CDR2L: variants seen among roughly 807,000 people sequenced by gnomAD.
The protein encoded by CDR2L is cerebellar degeneration related protein 2 like.
In CDR2L, 19 loss-of-function variants were observed where a neutral mutation model predicts 36.1. The observed-to-expected ratio is 0.53, with a 90% CI of 0.37 to 0.77. The LOEUF is 0.77. Among genes scored for constraint, CDR2L ranks in the 30% least tolerant of loss-of-function variants. The pLI is 0.00. For missense variants in CDR2L, 575 were observed against 627.2 expected (o/e 0.92, Z 0.89); for synonymous variants, 285 against 280.4 (o/e 1.02, Z -0.16).
In CDR2L at chr17:75,001,388, C is replaced by A; in HGVS notation, c.240C>A (p.His80Gln). 1.2e-6 allele frequency: 2 copies of A among 1,611,924 alleles called. No homozygotes were observed. The highest frequency in any genetic ancestry group is 1.7e-6 in the Non-Finnish European group (2 of 1,179,230). The change falls in exon 3 of 5, where the codon CAC becomes CAA. Residue 80 changes from histidine (H) to glutamine (Q), a missense_variant. His to Gln is a conservative substitution (Grantham distance 24, BLOSUM62 0). Transcript: ENST00000337231. Reference sequence around the variant, plus strand: ...CGCTGCGGCACGTGAACGAGCAGCACGCCAAAGTCTATGAGCAGCTGGACC... The same window carrying A: ...CGCTGCGGCACGTGAACGAGCAGCAAGCCAAAGTCTATGAGCAGCTGGACC... ...LDTLRHVNEQ[H>Q]AKVYEQLDLT...
In CDR2L at chr17:75,004,096, C is replaced by T. The variant is rs1414756539; in HGVS notation, c.*22C>T. On this transcript the variant is annotated 3_prime_UTR_variant, in exon 5 of 5. Transcript: ENST00000337231. ...GTGACCCTTCTCCGGCCTGCAGCCT[C>T]CCCCAGGGTGGAAGCCGTGGGGTCC... 2.5e-6 allele frequency: 4 copies of T among 1,577,894 alleles called. No individual in the cohort carries two copies. Among genetic ancestry groups the T allele is most frequent in the Non-Finnish European group, 2.6e-6 (3 of 1,160,964 alleles).
chr17:75,000,950 AGAGGCT>A lies in CDR2L; in HGVS notation c.193-389_193-384del, dbSNP rs1419041524. Among the ~76,000 whole-genome samples the A allele has an allele frequency of 3.3e-5, 5 of 151,794 alleles. No individual in the cohort carries two copies. The East Asian group carries it at 7.8e-4, about 24-fold the overall frequency. ...ATAAATTAATTAATTTAAAAAAAAA[AGAGGCT>A]GGCGTGGTGGTGCATGCCTATAATC... On this transcript the variant is annotated intron_variant, in intron 2 of 4. Transcript: ENST00000337231.
Position 75,005,570 on chromosome 17 carries a change from A to G in CDR2L, c.*1496A>G, listed in dbSNP as rs1246356367. The stretch of plus-strand genomic sequence containing the variant: ...GCGACTGAGTCCTTCTGTACGTGCA[A>G]CTGGGAAACTTTTGTCCTTTGAGGC... On this transcript the variant is annotated 3_prime_UTR_variant, in exon 5 of 5. Transcript: ENST00000337231. This position sits in a 1 kb window ranked among gnomAD's most constrained non-coding sequence, Gnocchi z 4.2. The G allele has an allele frequency of 6.6e-6, 1 of 152,670 alleles. No individual in the cohort carries two copies. Among genetic ancestry groups the G allele is most frequent in the Non-Finnish European group, 1.5e-5 (1 of 68,100 alleles). The allele number at this position is 152,670 out of a possible 1,614,324, so 9.5% of individuals were successfully genotyped here.
At position 75,003,344 on chromosome 17, in the gene CDR2L, T is replaced by A. The variant is rs1029902024; in HGVS notation, c.668T>A (p.Val223Glu). The stretch of plus-strand genomic sequence containing the variant: ...CGGGCGGAGCGCGAGTACACCGCGG[T>A]GCTGCAGGAGTACTCGGAGCTGGAG... Reference protein sequence around the residue: ...KERAEREYTAVLQEYSELERQ... With the variant: ...KERAEREYTAELQEYSELERQ... The change falls in exon 5 of 5, where the codon GTG becomes GAG. Residue 223 changes from valine (V) to glutamate (E), a missense_variant. By Grantham distance (121) the Val-to-Glu change is moderately radical (BLOSUM62 -2). Coordinates refer to ENST00000337231, the MANE Select transcript of CDR2L (RefSeq NM_014603.3). 6.4e-7 allele frequency: 1 copy of A among 1,556,826 alleles called. No individual in the cohort carries two copies. Among genetic ancestry groups the A allele is most frequent in the Non-Finnish European group, 8.7e-7 (1 of 1,151,098 alleles).
intron 1 of CDR2L, among the ~76,000 whole-genome samples, chr17:74,990,560 G>A (rs1010804899): frequency 2.6e-5 from 4 of 152,222 alleles, no homozygotes; most frequent in Non-Finnish European, 4.4e-5. Context: ...GACTTAGAAA[G>A]GTTTATGCCA....
chr17:74,991,724 GAAAA>G (rs1369367220), intron 1 of CDR2L, among the ~76,000 whole-genome samples: 2 of 17,870 alleles, frequency 1.1e-4, no homozygotes, highest in Non-Finnish European at 1.2e-3. Context: ...CTCAAAAAAA[GAAAA>G]AAAGAAAGAA....
chr17:74,996,252 T>C (rs191055762), intron 1 of CDR2L, among the ~76,000 whole-genome samples: 1 of 152,122 alleles, frequency 6.6e-6, no homozygotes, highest in African/African-American at 2.4e-5. Context: ...GAGACCAGCC[T>C]GACCAACATG....
At position 74,987,922 on chromosome 17, in the gene CDR2L, C is replaced by T; in HGVS notation, c.-122C>T. On this transcript the variant is annotated 5_prime_UTR_variant, in exon 1 of 5. Transcript: ENST00000337231. ...CGGTTGATGGCGAGGGGGCGCGGCG[C>T]GGGCTCTGTAGCCCGAGTTCCCGAC... is the stretch of plus-strand genomic sequence containing the variant. 1 of 405,004 alleles carries T rather than the reference C, an allele frequency of 2.5e-6. No individual in the cohort carries two copies. The highest frequency in any genetic ancestry group is 4.2e-6 in the Non-Finnish European group (1 of 238,460). The allele number at this position is 405,004 out of a possible 1,614,324, so 25.1% of individuals were successfully genotyped here. A position where few individuals can be genotyped will look rare whatever the true frequency, so the allele number is the denominator to read the frequency against.
At position 75,003,357 on chromosome 17, in the gene CDR2L, C is replaced by G. The variant is rs1281939102; in HGVS notation, c.681C>G (p.Tyr227Ter). 6.4e-7 allele frequency: 1 copy of G among 1,557,990 alleles called. No individual in the cohort carries two copies. Among genetic ancestry groups the G allele is most frequent in the Non-Finnish European group, 8.7e-7 (1 of 1,151,800 alleles). Residue 227 changes from tyrosine (Y) to a stop codon, truncating the protein, a stop_gained, in exon 5 of 5, where the codon TAC becomes TAG. Coordinates refer to ENST00000337231, the MANE Select transcript of CDR2L (RefSeq NM_014603.3). LOFTEE classifies it high-confidence loss of function. ...EREYTAVLQE[Y>*]SELERQLCEM... ...AGTACACCGCGGTGCTGCAGGAGTA[C>G]TCGGAGCTGGAGCGCCAGCTGTGCG...
In CDR2L at chr17:75,005,395, C is replaced by CG. The variant is rs60342420; in HGVS notation, c.*1328dup. The CG allele has an allele frequency of 7.2e-5, 11 of 152,688 alleles. No individual in the cohort carries two copies. Among genetic ancestry groups the CG allele is most frequent in the African/African-American group, 1.9e-4 (8 of 41,430 alleles). 9.5% of individuals were successfully genotyped at this position (152,688 alleles called of 1,614,324 possible). A position where few individuals can be genotyped will look rare whatever the true frequency, so the allele number is the denominator to read the frequency against. ...GAAGAGCCATACAGTCAGTGGAAGG[C>CG]GGGGGGGCCCTGGCCTCTGCACCGG... is the stretch of plus-strand genomic sequence containing the variant. On this transcript the variant is annotated 3_prime_UTR_variant, in exon 5 of 5. Coordinates refer to ENST00000337231, the MANE Select transcript of CDR2L (RefSeq NM_014603.3). This position sits in a 1 kb window ranked among gnomAD's most constrained non-coding sequence, Gnocchi z 4.2.
intron 2 of CDR2L, among the ~76,000 whole-genome samples, chr17:75,000,500 G>A (rs201673043): frequency 6.7e-6 from 1 of 148,746 alleles, no homozygotes; most frequent in African/African-American, 2.5e-5. Flanking sequence ...AGGTTTCACT[G>A]TGTTAGCCAG....
rs781755664 is a variant in CDR2L, at chr17:75,003,754, T to C, written c.1078T>C (p.Tyr360His). 2 of 1,497,156 alleles carry C rather than the reference T, an allele frequency of 1.3e-6. No homozygotes were observed. Among genetic ancestry groups the C allele is most frequent in the African/African-American group, 1.4e-5 (1 of 71,690 alleles). 92.7% of individuals were successfully genotyped at this position (1,497,156 alleles called of 1,614,324 possible). The change falls in exon 5 of 5, where the codon TAC becomes CAC. Residue 360 changes from tyrosine (Y) to histidine (H), a missense_variant. Tyr to His is a moderately conservative substitution (Grantham distance 83, BLOSUM62 2). Transcript: ENST00000337231. The part of the protein sequence containing the change: ...MSILREVDEQ[Y>H]HALLEKYEEL... ...CATCCTGCGGGAGGTGGACGAGCAG[T>C]ACCACGCGCTGCTGGAGAAGTACGA...
chr17:75,001,423 G>T lies in CDR2L; in HGVS notation c.275G>T (p.Arg92Leu). The change falls in exon 3 of 5, where the codon CGG (arginine) becomes CTG (leucine). Residue 92 changes from arginine to leucine, a missense_variant. Transcript: ENST00000337231. The stretch of plus-strand genomic sequence containing the variant: ...TATGAGCAGCTGGACCTGACAGCCC[G>T]GGACCTGGAGCTGACCAACCACAGG... ...KVYEQLDLTA[R>L]DLELTNHRLV... 1 of 1,607,934 alleles carries T rather than the reference G, an allele frequency of 6.2e-7. No individual in the cohort carries two copies.
chr17:74,991,297 G>C (rs1386910588), intron 1 of CDR2L, among the ~76,000 whole-genome samples: 1 of 151,844 alleles, frequency 6.6e-6, no homozygotes. Flanking sequence ...AGCTACTCAG[G>C]AGGCTGAGCC....
intron 3 of CDR2L, 84 bp from the exon 4 acceptor site, chr17:75,001,980 C>G: frequency 3.2e-6 from 4 of 1,237,598 alleles, no homozygotes; most frequent in South Asian, 1.7e-5. Context: ...CAACGTCCCT[C>G]CATCTTCAGG....
chr17:74,999,325 C>CAAA (rs1555635972), intron 1 of CDR2L, among the ~76,000 whole-genome samples, 179 bp from the exon 2 acceptor site: 1 of 150,976 alleles, frequency 6.6e-6, no homozygotes, highest in East Asian at 2.0e-4. Flanking sequence ...CAGACACACA[C>CAAA]AAAAAGAACA....
Position 74,988,055 on chromosome 17 carries a change from C to T in CDR2L, c.12C>T (p.Ala4=), listed in dbSNP as rs759171900. 3.3e-6 allele frequency: 5 copies of T among 1,525,164 alleles called. No individual in the cohort carries two copies. Among genetic ancestry groups the T allele is most frequent in the Non-Finnish European group, 4.4e-6 (5 of 1,137,904 alleles). The allele number at this position is 1,525,164 out of a possible 1,614,324, so 94.5% of individuals were successfully genotyped here. A position where few individuals can be genotyped will look rare whatever the true frequency, so the allele number is the denominator to read the frequency against. ...CCGCCCGCGGGGCCATGCGGAGAGC[C>T]GCCGGGATGGAGGACTTCTCCGCGG... The part of the protein sequence containing the change: MRR[A]AGMEDFSAEE... Residue 4 remains alanine, a synonymous_variant, in exon 1 of 5, where the codon GCC becomes GCT. Coordinates refer to ENST00000337231, the MANE Select transcript of CDR2L (RefSeq NM_014603.3).
intron 1 of CDR2L, among the ~76,000 whole-genome samples, chr17:74,996,621 G>A (rs535659928): frequency 2.6e-5 from 4 of 151,194 alleles, no homozygotes; most frequent in Admixed American, 1.3e-4. Flanking sequence ...CTCTCTACCC[G>A]CCCATCCCCC....
At position 74,989,794 on chromosome 17, in the gene CDR2L, AC is replaced by A. The variant is rs1290338708; in HGVS notation, c.79+1673del. Among the ~76,000 whole-genome samples, 1 of 152,134 alleles carries A rather than the reference AC, an allele frequency of 6.6e-6. No individual in the cohort carries two copies. The highest frequency in any genetic ancestry group is 1.5e-5 in the Non-Finnish European group (1 of 68,024). On this transcript the variant is annotated intron_variant, in intron 1 of 4. Coordinates refer to ENST00000337231, the MANE Select transcript of CDR2L (RefSeq NM_014603.3). This position sits in a 1 kb window ranked among gnomAD's most constrained non-coding sequence, Gnocchi z 4.2. ...CTCAGCCTCCTGAGTAGCTGGGACC[AC>A]ACCTGGCTAATTTTTGTATTTTTAG...
Sources: gnomAD v4.1 joint callset for allele counts (sites outside exome capture counted in the v4.1 genomes callset) on GRCh38, gnomAD v4.1.1 for gene constraint, Gnocchi (gnomAD v3.1) non-coding constraint, MANE v1.5 for transcripts, NCBI Gene and HGNC (gene_info 2026-07-23, HGNC 2026-07-21) for gene names.